ANO4: variants seen among roughly 807,000 people sequenced by gnomAD.
ANO4 encodes the protein anoctamin 4, also known as anoctamin-4.
ANO4 carries 69 observed loss-of-function variants against 141.9 expected under a neutral mutation model. The ratio of observed to expected loss-of-function variants is 0.49; its 90% CI spans 0.40 to 0.59. ANO4 has a LOEUF of 0.59. Ranked by LOEUF, ANO4 falls within the 20% of genes least tolerant of loss-of-function variation. The pLI is 0.00. For synonymous variants in ANO4, 350 were observed against 394.3 expected (o/e 0.89, Z 1.33); for missense variants, 894 against 1,162.2 (o/e 0.77, Z 3.36).
At chr12:100,884,520 G>C (rs11110575) in intron 1 of ANO4, among the ~76,000 whole-genome samples, 7,243 of 152,160 alleles carry the variant, frequency 0.048, 234 homozygotes, top group Middle Eastern at 0.082. Context: ...ACCTGTATTA[G>C]TTTTTTATTG....
At chr12:100,933,429 T>C (rs2042161946) in intron 3 of ANO4, among the ~76,000 whole-genome samples, 1 of 152,224 alleles carries the variant, frequency 6.6e-6, no homozygotes, top group Admixed American at 6.5e-5. Context: ...TTCATCCATG[T>C]CCCTGCAAAG....
At chr12:100,805,298 C>T (rs1418530272) in intron 1 of ANO4, among the ~76,000 whole-genome samples, 1 of 151,998 alleles carries the variant, frequency 6.6e-6, no homozygotes, top group African/African-American at 2.4e-5. Flanking sequence ...TATTCTGTTC[C>T]ATTGGTCTGT....
chr12:100,743,972 A>G (rs936506538), intron 3 of ANO4, among the ~76,000 whole-genome samples: 5 of 151,690 alleles, frequency 3.3e-5, no homozygotes, highest in Admixed American at 6.6e-5. Flanking sequence ...CACCACTACC[A>G]CCTCCGCCTC....
At chr12:100,888,534 G>T (rs2039949630) in intron 1 of ANO4, among the ~76,000 whole-genome samples, 2 of 152,262 alleles carry the variant, frequency 1.3e-5, no homozygotes, top group Admixed American at 1.3e-4. Context: ...GCCCTCACAA[G>T]TATTCACACA....
At chr12:100,841,294 TC>T (rs1459138030) in intron 1 of ANO4, among the ~76,000 whole-genome samples, 1 of 152,172 alleles carries the variant, frequency 6.6e-6, no homozygotes, top group Non-Finnish European at 1.5e-5. Context: ...TGTCATGACA[TC>T]CGCCAAAATT....
chr12:100,939,471 TA>T lies in ANO4; in HGVS notation c.297+21del. 1 of 1,609,108 alleles carries T rather than the reference TA, an allele frequency of 6.2e-7. No individual in the cohort carries two copies. Among genetic ancestry groups the T allele is most frequent in the Non-Finnish European group, 8.5e-7 (1 of 1,176,638 alleles). On this transcript the variant is annotated intron_variant, in intron 4 of 27. Transcript: ENST00000392977. ...GGAGAGGTAAGAGTATATGATTTCT[TA>T]CAAATGTAATTCGTGATCCAGGCAG...
chr12:101,013,151 T>A (rs1244194027), intron 8 of ANO4, among the ~76,000 whole-genome samples: 1 of 152,130 alleles, frequency 6.6e-6, no homozygotes, highest in Non-Finnish European at 1.5e-5. Context: ...AAGAACAGGT[T>A]TTTCCTTTAT....
intron 14 of ANO4, chr12:101,068,492 A>G: frequency 9.8e-7 from 1 of 1,019,358 alleles, no homozygotes; most frequent in East Asian, 2.4e-5. Context: ...TGTTCTCAGT[A>G]AAGATCGCAA....
intron 14 of ANO4, among the ~76,000 whole-genome samples, chr12:101,073,423 G>C (rs1162901250): frequency 2.6e-5 from 4 of 152,014 alleles, no homozygotes; most frequent in Non-Finnish European, 5.9e-5. Context: ...GGCATGTCGT[G>C]GGGTGGGGGG....
intron 1 of ANO4, among the ~76,000 whole-genome samples, chr12:100,804,674 G>T (rs930087042): frequency 6.6e-6 from 1 of 152,118 alleles, no homozygotes; most frequent in Non-Finnish European, 1.5e-5. Context: ...TTTCATTGTG[G>T]TTTTGATTTG....
At chr12:101,054,668 T>G (rs1030740319) in intron 14 of ANO4, among the ~76,000 whole-genome samples, 3 of 152,018 alleles carry the variant, frequency 2.0e-5, no homozygotes, top group African/African-American at 7.2e-5. Context: ...CCCAGCTAAT[T>G]TTTTTGTATT....
chr12:100,795,158 A>T (rs1282064752), intron 1 of ANO4, 131 bp downstream of exon 1: 1 of 152,568 alleles, frequency 6.6e-6, no homozygotes, highest in Non-Finnish European at 1.5e-5. Flanking sequence ...GTCTGGGATG[A>T]TCCAGCTTCA....
intron 3 of ANO4, among the ~76,000 whole-genome samples, chr12:100,786,366 A>G (rs2033873880): frequency 6.6e-6 from 1 of 152,138 alleles, no homozygotes; most frequent in South Asian, 2.1e-4. Flanking sequence ...GGGGGAATTA[A>G]ATAATCCTCA....
chr12:101,094,165 G>A, intron 17 of ANO4, 91 bp from the exon 18 acceptor site: 1 of 999,290 alleles, frequency 1.0e-6, no homozygotes, highest in Admixed American at 1.9e-5. Context: ...AAATTATTTT[G>A]ACTCGTGATT....
chr12:100,735,359 C>T (rs983746506), intron 2 of ANO4, among the ~76,000 whole-genome samples: 3 of 152,096 alleles, frequency 2.0e-5, no homozygotes, highest in African/African-American at 7.2e-5. Context: ...GTGGAGAGCT[C>T]GCAGACCCTG....
At chr12:101,064,244 T>C (rs1359238475) in intron 14 of ANO4, among the ~76,000 whole-genome samples, 1 of 152,196 alleles carries the variant, frequency 6.6e-6, no homozygotes, top group Non-Finnish European at 1.5e-5. Context: ...TAATTTCCTT[T>C]GTGAGTTCTT....
chr12:100,845,511 G>T (rs2037509769), intron 1 of ANO4, among the ~76,000 whole-genome samples: 1 of 152,096 alleles, frequency 6.6e-6, no homozygotes, highest in African/African-American at 2.4e-5. Flanking sequence ...GCCTGTCCTT[G>T]TACATTTTAG....
chr12:100,848,290 G>A (rs80063987), intron 1 of ANO4, among the ~76,000 whole-genome samples: 7,215 of 152,108 alleles, frequency 0.047, 225 homozygotes, highest in Middle Eastern at 0.096. Flanking sequence ...GCATTGGGAG[G>A]GAGGAGCAGA....
chr12:101,085,094 A>G (rs943459002), intron 16 of ANO4, among the ~76,000 whole-genome samples: 10 of 152,250 alleles, frequency 6.6e-5, no homozygotes, highest in African/African-American at 2.4e-4. Flanking sequence ...CTTTTAGAAC[A>G]TATCTCCCTT....
Sources: gnomAD v4.1 joint callset for allele counts (sites outside exome capture counted in the v4.1 genomes callset) on GRCh38, gnomAD v4.1.1 for gene constraint, MANE v1.5 for transcripts, NCBI Gene and HGNC (gene_info 2026-07-23, HGNC 2026-07-21) for gene names.